FOCAD: variants seen among roughly 807,000 people sequenced by gnomAD.
FOCAD encodes the protein KIAA1797.
Under a neutral mutation model 225.6 loss-of-function variants are expected in FOCAD, and 198 were observed. That is an observed-to-expected ratio of 0.88 (90% CI 0.78 to 0.99). The LOEUF is 0.99. FOCAD is among the 50% of genes least tolerant of loss of function. The probability of loss-of-function intolerance (pLI) is 0.00; values close to 1 mark genes in which losing one functional copy is unlikely to be tolerated. For synonymous variants in FOCAD, 897 were observed against 755.0 expected (o/e 1.19, Z -3.08); for missense variants, 2,713 against 2,123.6 (o/e 1.28, Z -5.46).
intron 15 of FOCAD, among the ~76,000 whole-genome samples, chr9:20,849,453 T>A (rs1487619509): frequency 2.0e-5 from 3 of 151,898 alleles, no homozygotes; most frequent in African/African-American, 7.2e-5. Context: ...ATATAGTCAG[T>A]CAACCTTAAT....
At chr9:20,886,651 A>G (rs762273410) in intron 21 of FOCAD, among the ~76,000 whole-genome samples, 3 of 152,186 alleles carry the variant, frequency 2.0e-5, no homozygotes, top group Non-Finnish European at 4.4e-5. Flanking sequence ...TTCAAAGGGA[A>G]AAGAAAATAA....
intron 10 of FOCAD, among the ~76,000 whole-genome samples, chr9:20,788,078 C>G (rs1820115908): frequency 6.6e-6 from 1 of 152,116 alleles, no homozygotes; most frequent in Non-Finnish European, 1.5e-5. Context: ...AAATATCCAT[C>G]CATTGATAGT....
intron 35 of FOCAD, among the ~76,000 whole-genome samples, chr9:20,962,696 G>T (rs1266855425): frequency 6.6e-6 from 1 of 152,066 alleles, no homozygotes; most frequent in Non-Finnish European, 1.5e-5. Context: ...ATTATGTTCG[G>T]ATATACTGTT....
In FOCAD at chr9:20,976,490, C is replaced by T. The variant is rs1421176623; in HGVS notation, c.4203C>T (p.Tyr1401=). 1.2e-6 allele frequency: 2 copies of T among 1,613,184 alleles called. No homozygotes were observed. Among genetic ancestry groups the T allele is most frequent in the African/African-American group, 1.3e-5 (1 of 74,878 alleles). The change falls in exon 36 of 44, where the codon TAC becomes TAT. Residue 1401 remains tyrosine (Y), a synonymous_variant. Coordinates refer to ENST00000338382, the MANE Select transcript of FOCAD (RefSeq NM_001375567.1). ...MKPIATVGES[Y]QYPPVNWAAL... is the part of the protein sequence containing the mutation. ...CCATAGCAACTGTTGGAGAAAGCTA[C>T]CAATATCCTCCTGTGAACTGGGCTG...
At chr9:20,959,731 A>G (rs1838526400) in intron 35 of FOCAD, among the ~76,000 whole-genome samples, 1 of 152,018 alleles carries the variant, frequency 6.6e-6, no homozygotes, top group African/African-American at 2.4e-5. Context: ...TGGGGGGTGT[A>G]GTTTAATTTT....
At chr9:20,918,707 G>A (rs1424858325) in intron 24 of FOCAD, among the ~76,000 whole-genome samples, 13 of 147,612 alleles carry the variant, frequency 8.8e-5, no homozygotes, top group Non-Finnish European at 1.5e-4. Context: ...CTGGGTGACA[G>A]AGCGAGACTC....
chr9:20,951,582 T>G (rs1364077581), intron 34 of FOCAD, among the ~76,000 whole-genome samples: 1 of 151,896 alleles, frequency 6.6e-6, no homozygotes, highest in Non-Finnish European at 1.5e-5. Flanking sequence ...ATGGCTGGAG[T>G]TTTTCTGGCC....
At chr9:20,701,495 T>A (rs1431948336) in intron 1 of FOCAD, among the ~76,000 whole-genome samples, 1 of 152,122 alleles carries the variant, frequency 6.6e-6, no homozygotes, top group Non-Finnish European at 1.5e-5. Context: ...GATTATTTAC[T>A]TATTTAAAAA....
chr9:20,789,678 C>T (rs543327933), intron 11 of FOCAD, 70 bp downstream of exon 11: 4 of 1,548,558 alleles, frequency 2.6e-6, no homozygotes, highest in South Asian at 1.2e-5. Flanking sequence ...ATTATTCCTG[C>T]TTTGTGGATT....
intron 35 of FOCAD, among the ~76,000 whole-genome samples, chr9:20,965,379 T>A (rs1274964226): frequency 2.6e-5 from 4 of 152,138 alleles, no homozygotes; most frequent in African/African-American, 7.2e-5. Context: ...GAAACTTTGT[T>A]TTTGGGAGTA....
At chr9:20,764,436 T>G (rs1047004103) in intron 6 of FOCAD, among the ~76,000 whole-genome samples, 3 of 152,202 alleles carry the variant, frequency 2.0e-5, no homozygotes, top group Non-Finnish European at 4.4e-5. Flanking sequence ...GTATTTTTAG[T>G]AGAGACAGTG....
chr9:20,671,588 G>A (rs887526203), intron 2 of FOCAD, among the ~76,000 whole-genome samples: 1 of 149,666 alleles, frequency 6.7e-6, no homozygotes, highest in Admixed American at 6.7e-5. Context: ...TCTCTCACAA[G>A]ATAGATTAGT....
chr9:20,864,131 C>G (rs1456495925), intron 16 of FOCAD, among the ~76,000 whole-genome samples: 1 of 152,040 alleles, frequency 6.6e-6, no homozygotes, highest in Non-Finnish European at 1.5e-5. Context: ...GAGAGACCCT[C>G]CTTCCTCCTC....
chr9:20,739,877 T>C (rs945179577), intron 4 of FOCAD, among the ~76,000 whole-genome samples: 1 of 152,262 alleles, frequency 6.6e-6, no homozygotes, highest in Admixed American at 6.5e-5. Context: ...TTTGGTTATT[T>C]TTCATAGTCT....
chr9:20,970,039 A>T (rs1587747152), intron 35 of FOCAD, among the ~76,000 whole-genome samples: 1 of 148,338 alleles, frequency 6.7e-6, no homozygotes. Flanking sequence ...TCCTTACTGG[A>T]CTCCATGGTT....
At chr9:20,913,588 G>A (rs1052930628) in intron 23 of FOCAD, among the ~76,000 whole-genome samples, 1 of 152,172 alleles carries the variant, frequency 6.6e-6, no homozygotes, top group Admixed American at 6.5e-5. Context: ...ACCACAGGTT[G>A]CTTTAATCTA....
intron 24 of FOCAD, among the ~76,000 whole-genome samples, chr9:20,917,436 A>C (rs1158403134): frequency 1.3e-5 from 2 of 152,220 alleles, no homozygotes; most frequent in African/African-American, 4.8e-5. Flanking sequence ...TGTTTTAACA[A>C]AAATTACTTG....
chr9:20,801,076 C>T (rs1332762609), intron 11 of FOCAD, among the ~76,000 whole-genome samples: 1 of 152,122 alleles, frequency 6.6e-6, no homozygotes, highest in Admixed American at 6.5e-5. Context: ...AGTCAGTACC[C>T]TCAACTTCAG....
At chr9:20,822,005 A>G (rs1195962369) in intron 14 of FOCAD, among the ~76,000 whole-genome samples, 1 of 149,050 alleles carries the variant, frequency 6.7e-6, no homozygotes, top group Admixed American at 6.7e-5. Context: ...CTAAAAAAAA[A>G]AAAAAAAAAA....
Sources: gnomAD v4.1 joint callset for allele counts (sites outside exome capture counted in the v4.1 genomes callset) on GRCh38, gnomAD v4.1.1 for gene constraint, MANE v1.5 for transcripts, NCBI Gene and HGNC (gene_info 2026-07-23, HGNC 2026-07-21) for gene names.